The following KIAA1217 variants were observed in gnomAD, a reference collection of about 807,000 sequenced individuals.
KIAA1217 encodes the protein KIAA1217.
In KIAA1217, 88 loss-of-function variants were observed where a neutral mutation model predicts 163.9. The observed-to-expected ratio is 0.54, with a 90% CI of 0.45 to 0.64. The LOEUF is 0.64. KIAA1217 is among the 30% of genes least tolerant of loss of function. The pLI is 0.00. For synonymous variants in KIAA1217, 903 were observed against 923.1 expected, an observed-to-expected ratio of 0.98 and a Z score of 0.39; for missense variants, 2,372 against 2,475.0, an observed-to-expected ratio of 0.96 and a Z score of 0.88.
intron 2 of KIAA1217, among the ~76,000 whole-genome samples, chr10:24,011,484 C>T (rs1177474492): frequency 1.3e-5 from 2 of 152,008 alleles, no homozygotes; most frequent in African/African-American, 4.8e-5. Context: ...GAGATCTTGT[C>T]TTAAAATTAA....
intron 2 of KIAA1217, among the ~76,000 whole-genome samples, chr10:24,316,326 A>C (rs2133176736): frequency 6.6e-6 from 1 of 152,340 alleles, no homozygotes; most frequent in East Asian, 1.9e-4. Context: ...GTCCTGTCCC[A>C]GTTTGCAGGC....
intron 2 of KIAA1217, among the ~76,000 whole-genome samples, chr10:24,292,829 A>G (rs1195585733): frequency 1.3e-5 from 2 of 152,006 alleles, no homozygotes; most frequent in Non-Finnish European, 2.9e-5. Context: ...GAAGTTCTTC[A>G]TGGTGAGTGG....
In KIAA1217 at chr10:23,957,012, C is replaced by T. The variant is rs189184293; in HGVS notation, c.-320-50213C>T. On this transcript the variant is annotated intron_variant, in intron 1 of 18. Coordinates refer to the KIAA1217 transcript ENST00000376462. ...TTTCTTCCAGTTGCCACCCATGACT[C>T]GGGCCTGCACCACCCCACTGGCTCC... Among the ~76,000 whole-genome samples the T allele has an allele frequency of 1.3e-4, 20 of 152,280 alleles. No individual in the cohort carries two copies. The East Asian group carries it at 3.5e-3, about 26-fold the overall frequency.
At chr10:23,790,915 T>C (rs1588827354) in intron 1 of KIAA1217, among the ~76,000 whole-genome samples, 1 of 151,932 alleles carries the variant, frequency 6.6e-6, no homozygotes, top group East Asian at 1.9e-4. Flanking sequence ...ATATATTTTT[T>C]TGTAGAGTCA....
chr10:23,739,090 C>A (rs929966279), intron 1 of KIAA1217, among the ~76,000 whole-genome samples: 1 of 152,178 alleles, frequency 6.6e-6, no homozygotes, highest in Admixed American at 6.5e-5. Flanking sequence ...TAAGTCATGT[C>A]TTTTGCAGCA....
intron 1 of KIAA1217, among the ~76,000 whole-genome samples, chr10:23,947,037 C>T (rs1354286129): frequency 3.3e-5 from 5 of 152,114 alleles, no homozygotes; most frequent in South Asian, 2.1e-4. Context: ...TTGCTTGACG[C>T]TTCTCCTTGC....
intron 2 of KIAA1217, among the ~76,000 whole-genome samples, chr10:24,283,778 G>T (rs1260351424): frequency 1.3e-5 from 2 of 152,126 alleles, no homozygotes; most frequent in Non-Finnish European, 2.9e-5. Context: ...CTGCATCCTG[G>T]TCAGCATTTG....
chr10:24,401,239 G>A (rs536899532), intron 3 of KIAA1217, among the ~76,000 whole-genome samples: 31 of 150,878 alleles, frequency 2.1e-4, no homozygotes, highest in African/African-American at 7.3e-4. Context: ...TGAGAGTGAG[G>A]GCAAAAAGAG....
intron 6 of KIAA1217, among the ~76,000 whole-genome samples, chr10:24,487,546 T>G (rs961175038): frequency 1.3e-5 from 2 of 152,252 alleles, no homozygotes; most frequent in Non-Finnish European, 2.9e-5. Flanking sequence ...CACATCTCAT[T>G]GCCAGTTTTC....
At chr10:24,087,761 G>T (rs76820525) in intron 2 of KIAA1217, among the ~76,000 whole-genome samples, 3,685 of 152,210 alleles carry the variant, frequency 0.024, 146 homozygotes, top group African/African-American at 0.084. Flanking sequence ...TTCCATCGTG[G>T]TAGTCTTCTT....
intron 2 of KIAA1217, among the ~76,000 whole-genome samples, chr10:24,162,719 G>C (rs560362938): frequency 6.6e-6 from 1 of 152,318 alleles, no homozygotes; most frequent in African/African-American, 2.4e-5. Flanking sequence ...GCCTAGCTGG[G>C]TGGTTCAAGC....
intron 1 of KIAA1217, among the ~76,000 whole-genome samples, chr10:23,874,041 A>G (rs1840576739): frequency 6.6e-6 from 1 of 152,060 alleles, no homozygotes; most frequent in Admixed American, 6.6e-5. Flanking sequence ...CTTTGCTTAC[A>G]TAGAAAGAAT....
intron 2 of KIAA1217, among the ~76,000 whole-genome samples, chr10:24,303,676 G>A (rs1377943768): frequency 6.6e-6 from 1 of 152,176 alleles, no homozygotes; most frequent in Non-Finnish European, 1.5e-5. Flanking sequence ...TTGGGTTTTG[G>A]ACAGACTACA....
chr10:23,748,066 A>G (rs1375552401), intron 1 of KIAA1217, among the ~76,000 whole-genome samples: 1 of 152,166 alleles, frequency 6.6e-6, no homozygotes, highest in East Asian at 1.9e-4. Context: ...CACACCTCTG[A>G]CATTCTCAGG....
chr10:24,224,615 C>T (rs1295723397), intron 2 of KIAA1217, among the ~76,000 whole-genome samples: 4 of 151,518 alleles, frequency 2.6e-5, no homozygotes, highest in Non-Finnish European at 4.4e-5. Context: ...CCACTGCACC[C>T]GACCTTAATG....
At chr10:24,067,801 C>G (rs537944018) in intron 2 of KIAA1217, among the ~76,000 whole-genome samples, 1 of 152,268 alleles carries the variant, frequency 6.6e-6, no homozygotes, top group Non-Finnish European at 1.5e-5. Context: ...CCAGTTCGAG[C>G]TTCCTGGCCA....
chr10:24,127,907 A>G lies in KIAA1217; in HGVS notation c.-170-91719A>G, dbSNP rs560484047. Among the ~76,000 whole-genome samples, 12 of 152,342 alleles carry G rather than the reference A, an allele frequency of 7.9e-5. No individual in the cohort carries two copies. In the South Asian group the frequency reaches 2.5e-3, roughly 32 times the overall value. On this transcript the variant is annotated intron_variant, in intron 2 of 18. Transcript: ENST00000376462. ...TCTCTTTGGAAGCAACATGTTAGTA[A>G]TAAGTCAGCAATAAGACACAATTGG... is the stretch of plus-strand genomic sequence containing the variant.
At chr10:24,188,881 A>G (rs2066570739) in intron 2 of KIAA1217, among the ~76,000 whole-genome samples, 1 of 152,064 alleles carries the variant, frequency 6.6e-6, no homozygotes, top group Admixed American at 6.6e-5. Flanking sequence ...CGAGGCGGGC[A>G]GATCGCGGGG....
chr10:23,879,575 C>A (rs556724542), intron 1 of KIAA1217, among the ~76,000 whole-genome samples: 9 of 151,958 alleles, frequency 5.9e-5, no homozygotes, highest in Admixed American at 5.3e-4. Context: ...GTGGCCTTGA[C>A]AAAAGCTGTA....
Sources: allele counts gnomAD v4.1 joint callset (sites outside exome capture counted in the v4.1 genomes callset), GRCh38; gene constraint gnomAD v4.1.1; transcripts MANE v1.5; gene names NCBI Gene and HGNC (gene_info 2026-07-23, HGNC 2026-07-21).